The following MTSS1 variants were observed in gnomAD, a reference collection of about 807,000 sequenced individuals.
The protein encoded by MTSS1 is protein MTSS 1.
A neutral mutation model predicts 79.0 loss-of-function variants in MTSS1; 18 were observed. That is an observed-to-expected ratio of 0.23 (90% CI 0.16 to 0.34). The LOEUF is 0.34. Among genes scored for constraint, MTSS1 ranks in the 10% least tolerant of loss-of-function variants. The pLI is 1.00. For synonymous variants in MTSS1, 341 were observed against 368.6 expected (o/e 0.93, Z 0.86); for missense variants, 815 against 986.2 (o/e 0.83, Z 2.33).
chr8:124,653,007 T>C (rs938563766), intron 3 of MTSS1, among the ~76,000 whole-genome samples: 2 of 152,278 alleles, frequency 1.3e-5, no homozygotes, highest in Admixed American at 6.5e-5. Flanking sequence ...TTCCAAGTTA[T>C]CTGTCTATTG....
At chr8:124,702,801 G>C (rs1177940432) in intron 2 of MTSS1, among the ~76,000 whole-genome samples, 2 of 152,074 alleles carry the variant, frequency 1.3e-5, no homozygotes, top group African/African-American at 4.8e-5. Context: ...ATGAACCAGG[G>C]CCATCAAAAT....
chr8:124,702,701 A>G (rs897581296), intron 2 of MTSS1, among the ~76,000 whole-genome samples: 2 of 152,034 alleles, frequency 1.3e-5, no homozygotes, highest in South Asian at 2.1e-4. Flanking sequence ...TGTCGTCCAC[A>G]TGGCTCTTTA....
chr8:124,602,435 A>G (rs981730999), intron 3 of MTSS1, among the ~76,000 whole-genome samples: 1 of 151,884 alleles, frequency 6.6e-6, no homozygotes, highest in Non-Finnish European at 1.5e-5. Flanking sequence ...CCTGGCCTCA[A>G]GTGATTCCCC....
chr8:124,655,075 C>G (rs1170847541), intron 3 of MTSS1, among the ~76,000 whole-genome samples: 2 of 152,222 alleles, frequency 1.3e-5, no homozygotes, highest in Non-Finnish European at 2.9e-5. Flanking sequence ...GCTCTCTAGC[C>G]CCCTAAACAG....
At chr8:124,663,846 G>A (rs956736464) in intron 3 of MTSS1, among the ~76,000 whole-genome samples, 3 of 152,162 alleles carry the variant, frequency 2.0e-5, no homozygotes, top group Non-Finnish European at 4.4e-5. Flanking sequence ...CAGAAAGTTA[G>A]GACAGGAAAC....
At chr8:124,616,127 C>T (rs933993591) in intron 3 of MTSS1, among the ~76,000 whole-genome samples, 1 of 152,196 alleles carries the variant, frequency 6.6e-6, no homozygotes, top group Non-Finnish European at 1.5e-5. Context: ...CACAGATAAA[C>T]CAAACCAACA....
intron 10 of MTSS1, chr8:124,558,707 G>A (rs761483101): frequency 2.5e-5 from 38 of 1,542,846 alleles, no homozygotes; most frequent in South Asian, 2.2e-4. Flanking sequence ...CCACCCGGGC[G>A]GTCACCTTCT....
chr8:124,609,729 T>G (rs1227289229), intron 3 of MTSS1, among the ~76,000 whole-genome samples: 1 of 152,198 alleles, frequency 6.6e-6, no homozygotes, highest in African/African-American at 2.4e-5. Flanking sequence ...AACAACTACG[T>G]GTGAGCCATT....
rs773480332 is a variant in MTSS1 at position 124,727,869 on chromosome 8, C to T, written c.72+15G>A. 2.5e-6 allele frequency: 4 copies of T among 1,579,578 alleles called. No individual in the cohort carries two copies. The East Asian group carries it at 7.3e-5, about 29-fold the overall frequency. ...CGCGGCGGCCGGCGCCGCAGCCGCA[C>T]CCCCGGCGTCCTACCTTCATGTCGC... On this transcript the variant is annotated intron_variant, in intron 1 of 13. Transcript: ENST00000518547. This position sits in a 1 kb window ranked among gnomAD's most constrained non-coding sequence, Gnocchi z 4.7.
At position 124,683,724 on chromosome 8, in the gene MTSS1, G is replaced by A. The variant is rs936789143; in HGVS notation, c.208+15802C>T. Among the ~76,000 whole-genome samples, 1 of 152,214 alleles carries A rather than the reference G, an allele frequency of 6.6e-6. No homozygotes were observed. Among genetic ancestry groups the A allele is most frequent in the Non-Finnish European group, 1.5e-5 (1 of 68,036 alleles). On this transcript the variant is annotated intron_variant, in intron 3 of 13. Coordinates refer to ENST00000518547, the MANE Select transcript of MTSS1 (RefSeq NM_014751.6). The surrounding 1 kb of genome is among the most constrained non-coding windows in gnomAD (Gnocchi z 4.5). ...TTACTGACATGGTCAACCAATGGCT[G>A]AGCAGACACACTCAGGACCAAGACC...
chr8:124,628,843 T>C (rs1012466843), intron 3 of MTSS1, among the ~76,000 whole-genome samples: 1 of 152,188 alleles, frequency 6.6e-6, no homozygotes, highest in Non-Finnish European at 1.5e-5. Flanking sequence ...AAACCTGCCA[T>C]AGGTGGGTAG....
chr8:124,664,477 T>TA (rs58496350), intron 3 of MTSS1, among the ~76,000 whole-genome samples: 5,563 of 152,234 alleles, frequency 0.037, 342 homozygotes, highest in African/African-American at 0.13. Flanking sequence ...TGGGAGTATG[T>TA]AGACCAGAGT....
Position 124,567,987 on chromosome 8 carries a change from C to T in MTSS1, c.618+392G>A, listed in dbSNP as rs1826896543. The T allele has an allele frequency of 2.3e-6, 3 of 1,317,778 alleles. No homozygotes were observed. In the South Asian group the frequency reaches 6.7e-5, roughly 29 times the overall value. 81.6% of individuals were successfully genotyped at this position (1,317,778 alleles called of 1,614,324 possible). A position where few individuals can be genotyped will look rare whatever the true frequency, so the allele number is the denominator to read the frequency against. On this transcript the variant is annotated intron_variant, in intron 7 of 13. Transcript: ENST00000518547. ...TCGGCTACAACAGTGAGTCTCAAAA[C>T]CACCTGGAGTGCTCCTTTAAAACAC...
In MTSS1 at chr8:124,562,987, A is replaced by G. The variant is rs762715546; in HGVS notation, c.830T>C (p.Leu277Pro). ...GGAGTCACTGCTGTTGACACTGTTCAGGCTGCTGTGGAGGACAAGCAGGGG... is the reference window on the plus strand; with the variant it reads ...GGAGTCACTGCTGTTGACACTGTTCGGGCTGCTGTGGAGGACAAGCAGGGG... Reference protein sequence around the residue: ...MSRKSSVCSSLNSVNSSDSRS... With the variant: ...MSRKSSVCSSPNSVNSSDSRS... Residue 277 changes from leucine (L) to proline (P), a missense_variant, in exon 10 of 14, where the codon CTG becomes CCG. Leu to Pro is a moderately conservative substitution (Grantham distance 98, BLOSUM62 -3). Around this residue, in one of 2 missense-constraint regions of MTSS1, gnomAD observed 225 missense variants for 365.4 expected, o/e 0.62. Coordinates refer to ENST00000518547, the MANE Select transcript of MTSS1 (RefSeq NM_014751.6). 60 of 1,606,098 alleles carry G rather than the reference A, an allele frequency of 3.7e-5. No individual in the cohort carries two copies. Among genetic ancestry groups the G allele is most frequent in the Admixed American group, 3.4e-4 (20 of 58,776 alleles).
chr8:124,706,980 T>C (rs1019889048), intron 1 of MTSS1, among the ~76,000 whole-genome samples: 1 of 152,132 alleles, frequency 6.6e-6, no homozygotes, highest in African/African-American at 2.4e-5. Flanking sequence ...GGGACAGCAG[T>C]TGGCACCTCT....
chr8:124,658,374 A>T (rs150915953), intron 3 of MTSS1, among the ~76,000 whole-genome samples: 6 of 152,184 alleles, frequency 3.9e-5, no homozygotes, highest in East Asian at 1.9e-4. Flanking sequence ...CCATGTAAGA[A>T]GTGCCTTTCA....
At position 124,624,729 on chromosome 8, in the gene MTSS1, G is replaced by A. The variant is rs541980186; in HGVS notation, c.209-33494C>T. 6.6e-5 allele frequency among the ~76,000 whole-genome samples: 10 copies of A among 152,354 alleles called. No homozygotes were observed. The East Asian group carries it at 1.7e-3, about 26-fold the overall frequency. On this transcript the variant is annotated intron_variant, in intron 3 of 13. Transcript: ENST00000518547. The stretch of plus-strand genomic sequence containing the variant: ...TGGCGCTGAAATAAATGTCTGTTCA[G>A]ATGAATGGAGACCAACCACCAGACG...
intron 3 of MTSS1, among the ~76,000 whole-genome samples, chr8:124,670,284 T>C (rs7845483): frequency 0.4 from 60,758 of 151,798 alleles, 14,051 homozygotes; most frequent in East Asian, 0.67. Context: ...ACAGCAAATA[T>C]TGTGATCCTG....
At chr8:124,557,628 G>C (rs1200057302) in intron 11 of MTSS1, 53 bp downstream of exon 11, 39 of 1,479,074 alleles carry the variant, frequency 2.6e-5, no homozygotes, top group Admixed American at 5.9e-5. Context: ...GAACAGAAGA[G>C]GGGTGAGCAC....
Sources: gnomAD v4.1 joint callset for allele counts (sites outside exome capture counted in the v4.1 genomes callset) on GRCh38, gnomAD v4.1.1 for gene constraint, gnomAD v4.1.1 regional missense constraint, Gnocchi (gnomAD v3.1) non-coding constraint, MANE v1.5 for transcripts, NCBI Gene and HGNC (gene_info 2026-07-23, HGNC 2026-07-21) for gene names.